Variants in PPP1R15B observed in about 807,000 individuals in gnomAD.
PPP1R15B encodes protein phosphatase 1, regulatory (inhibitor) subunit 15B.
In PPP1R15B, 31 loss-of-function variants were observed where a neutral mutation model predicts 53.9. That is an observed-to-expected ratio of 0.58 (90% CI 0.43 to 0.78). PPP1R15B has a LOEUF of 0.78. Among genes scored for constraint, PPP1R15B ranks in the 30% least tolerant of loss-of-function variants. PPP1R15B has a pLI of 0.00. For synonymous variants in PPP1R15B, 345 were observed against 329.1 expected, an observed-to-expected ratio of 1.05 and a Z score of -0.52; for missense variants, 928 against 849.6, an observed-to-expected ratio of 1.09 and a Z score of -1.15.
chr1:204,404,075 G>A lies in PPP1R15B; in HGVS notation c.*2017C>T, dbSNP rs920535924. ...TCAGCCTGGTTTTAAAAGAATGCCT[G>A]TATGTTGTCAAAAGGCTTTTTTCAA... is the stretch of plus-strand genomic sequence containing the variant. On this transcript the variant is annotated 3_prime_UTR_variant, in exon 2 of 2. Transcript: ENST00000367188. The A allele has an allele frequency of 6.1e-6, 6 of 985,294 alleles. No individual in the cohort carries two copies. Among genetic ancestry groups the A allele is most frequent in the African/African-American group, 5.2e-5 (3 of 57,236 alleles). 61.0% of individuals were successfully genotyped at this position (985,294 alleles called of 1,614,324 possible).
downstream of PPP1R15B, among the ~76,000 whole-genome samples, chr1:204,400,248 AAAAAG>A (rs1286448009): frequency 2.0e-5 from 3 of 151,646 alleles, no homozygotes; most frequent in East Asian, 5.8e-4. Flanking sequence ...AAAAAAAAAA[AAAAAG>A]AAAAGAAGGC....
rs931900279 is a variant in PPP1R15B at position 204,404,110 on chromosome 1, C to T, written c.*1982G>A. 7 of 985,200 alleles carry T rather than the reference C, an allele frequency of 7.1e-6. No homozygotes were observed. The highest frequency in any genetic ancestry group is 1.7e-5 in the African/African-American group (1 of 57,198). 61.0% of individuals were successfully genotyped at this position (985,200 alleles called of 1,614,324 possible). ...AAAAGGCTTTTTTCAAGGCAAATGACGCCTGCTTTCCAACCGACATTGCTG... is the reference window on the plus strand; with the variant it reads ...AAAAGGCTTTTTTCAAGGCAAATGATGCCTGCTTTCCAACCGACATTGCTG... On this transcript the variant is annotated 3_prime_UTR_variant, in exon 2 of 2. Coordinates refer to ENST00000367188, the MANE Select transcript of PPP1R15B (RefSeq NM_032833.5).
At chr1:204,409,377 T>C (rs1249786632) in intron 1 of PPP1R15B, 115 bp downstream of exon 1, 7 of 1,164,276 alleles carry the variant, frequency 6.0e-6, no homozygotes, top group Admixed American at 4.8e-5. Context: ...TATATGAATT[T>C]AGAGGCCTTC....
Position 204,411,508 on chromosome 1 carries a change from C to G in PPP1R15B, c.-97G>C. On this transcript the variant is annotated 5_prime_UTR_variant, in exon 1 of 2. Transcript: ENST00000367188. ...AAGCCTACAGAGTCTCGGCCTTGCC[C>G]AGCGGTGGCGTCGCTGCTCCAGGCC... 1.4e-6 allele frequency: 2 copies of G among 1,478,238 alleles called. No homozygotes were observed. Among genetic ancestry groups the G allele is most frequent in the Non-Finnish European group, 1.8e-6 (2 of 1,109,402 alleles). The allele number at this position is 1,478,238 out of a possible 1,614,324, so 91.6% of individuals were successfully genotyped here.
chr1:204,405,381 A>T lies in PPP1R15B; in HGVS notation c.*711T>A. 1 of 985,198 alleles carries T rather than the reference A, an allele frequency of 1.0e-6. No homozygotes were observed. Among genetic ancestry groups the T allele is most frequent in the Non-Finnish European group, 1.2e-6 (1 of 829,712 alleles). 61.0% of individuals were successfully genotyped at this position (985,198 alleles called of 1,614,324 possible). On this transcript the variant is annotated 3_prime_UTR_variant, in exon 2 of 2. Coordinates refer to ENST00000367188, the MANE Select transcript of PPP1R15B (RefSeq NM_032833.5). ...AGAAATTAAATATATTAGATGTTAA[A>T]ATGTGGTAGAAAGATGCAGCTTTCC...
downstream of PPP1R15B, among the ~76,000 whole-genome samples, chr1:204,400,476 ATTTC>A (rs1159832061): frequency 2.4e-5 from 3 of 125,738 alleles, no homozygotes; most frequent in South Asian, 2.6e-4. Context: ...TGCCCAGCTA[ATTTC>A]TTTTTCTTTT....
rs1674226060 is a variant in PPP1R15B, at chr1:204,404,265, C to T, written c.*1827G>A. On this transcript the variant is annotated 3_prime_UTR_variant, in exon 2 of 2. Coordinates refer to ENST00000367188, the MANE Select transcript of PPP1R15B (RefSeq NM_032833.5). ...TTGAGAGGCCGAGGCGGGCGGATCA[C>T]GAGGTCAGCAGTTCAAGACCAGTCT... 4.2e-6 allele frequency: 4 copies of T among 959,998 alleles called. No homozygotes were observed. Among genetic ancestry groups the T allele is most frequent in the African/African-American group, 1.8e-5 (1 of 56,730 alleles). The allele number at this position is 959,998 out of a possible 1,614,324, so 59.5% of individuals were successfully genotyped here.
intron 1 of PPP1R15B, among the ~76,000 whole-genome samples, chr1:204,407,424 CTACT>C (rs959797226): frequency 2.0e-5 from 3 of 152,140 alleles, no homozygotes; most frequent in Middle Eastern, 3.2e-3. Context: ...TTACTAATCA[CTACT>C]TAATTTCTAA....
chr1:204,402,242 ATCCTT>A (rs576131743), downstream of PPP1R15B, among the ~76,000 whole-genome samples: 2 of 152,298 alleles, frequency 1.3e-5, no homozygotes, highest in East Asian at 3.9e-4. Flanking sequence ...TTTCTTCATT[ATCCTT>A]TCATCTTGAA....
At position 204,405,718 on chromosome 1, in the gene PPP1R15B, A is replaced by G; in HGVS notation, c.*374T>C. On this transcript the variant is annotated 3_prime_UTR_variant, in exon 2 of 2. Transcript: ENST00000367188. ...GTTTTCAGATAGGCACACATAATTT[A>G]GATTAGAAATGAAAATGGGCTTTAA... The G allele has an allele frequency of 1.0e-6, 1 of 994,654 alleles. No individual in the cohort carries two copies. The highest frequency in any genetic ancestry group is 1.2e-6 in the Non-Finnish European group (1 of 834,912). 61.6% of individuals were successfully genotyped at this position (994,654 alleles called of 1,614,324 possible). A position where few individuals can be genotyped will look rare whatever the true frequency, so the allele number is the denominator to read the frequency against.
At chr1:204,408,223 G>A (rs572841978) in intron 1 of PPP1R15B, among the ~76,000 whole-genome samples, 49 of 152,350 alleles carry the variant, frequency 3.2e-4, no homozygotes, top group Admixed American at 2.6e-3. Flanking sequence ...CTTAACCACT[G>A]AGGAGTAGAG....
At chr1:204,397,851 T>A (rs74138396), downstream of PPP1R15B, among the ~76,000 whole-genome samples, 2,636 of 152,104 alleles carry the variant, frequency 0.017, 56 homozygotes, top group African/African-American at 0.055. Context: ...CATCAACTGA[T>A]TTAAAACTTT....
Position 204,409,536 on chromosome 1 carries a change from C to T in PPP1R15B, c.1876G>A (p.Asp626Asn). Residue 626 changes from aspartate to asparagine, a missense_variant, in exon 1 of 2, where the codon GAC becomes AAC. Physicochemically the swap from Asp to Asn is conservative, Grantham distance 23. Coordinates refer to ENST00000367188, the MANE Select transcript of PPP1R15B (RefSeq NM_032833.5). Reference protein sequence around the residue: ...ESECPDSVQRDVLSGGRHTHV... With the variant: ...ESECPDSVQRNVLSGGRHTHV... ...GTGTGTCTTCCTCCAGAAAGAACGT[C>T]ACGCTGTACCGAGTCTGGACATTCA... 1.2e-6 allele frequency: 2 copies of T among 1,613,440 alleles called. No homozygotes were observed. The highest frequency in any genetic ancestry group is 1.7e-6 in the Non-Finnish European group (2 of 1,179,806).
At chr1:204,398,318 C>T (rs1157828530), downstream of PPP1R15B, among the ~76,000 whole-genome samples, 1 of 151,956 alleles carries the variant, frequency 6.6e-6, no homozygotes, top group Non-Finnish European at 1.5e-5. Flanking sequence ...TCTCTACACA[C>T]AAAAATAATA....
Position 204,405,687 on chromosome 1 carries a change from C to T in PPP1R15B, c.*405G>A, listed in dbSNP as rs1309350400. ...ATTTTGGGAAAGAAACAAGAAAGAG[C>T]CCAAAGTTTTCAGATAGGCACACAT... On this transcript the variant is annotated 3_prime_UTR_variant, in exon 2 of 2. Transcript: ENST00000367188. 3 of 984,956 alleles carry T rather than the reference C, an allele frequency of 3.0e-6. No homozygotes were observed. The highest frequency in any genetic ancestry group is 1.2e-6 in the Non-Finnish European group (1 of 828,842). The allele number at this position is 984,956 out of a possible 1,614,324, so 61.0% of individuals were successfully genotyped here. A position where few individuals can be genotyped will look rare whatever the true frequency, so the allele number is the denominator to read the frequency against.
chr1:204,408,005 C>T (rs1307971224), intron 1 of PPP1R15B, among the ~76,000 whole-genome samples: 1 of 152,204 alleles, frequency 6.6e-6, no homozygotes, highest in African/African-American at 2.4e-5. Context: ...CAAGCTAAAA[C>T]AAGACATGAG....
downstream of PPP1R15B, among the ~76,000 whole-genome samples, chr1:204,399,631 G>A (rs1425126395): frequency 6.6e-6 from 1 of 152,026 alleles, no homozygotes; most frequent in African/African-American, 2.4e-5. Flanking sequence ...TCTAGGCTCT[G>A]GACTCATAAA....
At position 204,409,511 on chromosome 1, in the gene PPP1R15B, G is replaced by T. The variant is rs1463236129; in HGVS notation, c.1901C>A (p.Thr634Lys). The T allele has an allele frequency of 1.2e-6, 2 of 1,611,446 alleles. No individual in the cohort carries two copies. The highest frequency in any genetic ancestry group is 1.7e-5 in the Admixed American group (1 of 59,494). Residue 634 changes from threonine (T) to lysine (K), a missense_variant, in exon 1 of 2, where the codon ACA becomes AAA. Coordinates refer to ENST00000367188, the MANE Select transcript of PPP1R15B (RefSeq NM_032833.5). ...QRDVLSGGRHTHVKRKKVTFL... is the reference protein window; with the variant it reads ...QRDVLSGGRHKHVKRKKVTFL... Reference sequence around the variant, plus strand: ...ACAAACCTTTTTTCTTTTGACATGTGTGTGTCTTCCTCCAGAAAGAACGTC... The same window carrying T: ...ACAAACCTTTTTTCTTTTGACATGTTTGTGTCTTCCTCCAGAAAGAACGTC...
Position 204,404,656 on chromosome 1 carries a change from G to A in PPP1R15B, c.*1436C>T. The A allele has an allele frequency of 1.0e-6, 1 of 985,732 alleles. No homozygotes were observed. Among genetic ancestry groups the A allele is most frequent in the Non-Finnish European group, 1.2e-6 (1 of 829,868 alleles). 61.1% of individuals were successfully genotyped at this position (985,732 alleles called of 1,614,324 possible). A position where few individuals can be genotyped will look rare whatever the true frequency, so the allele number is the denominator to read the frequency against. ...ATGACCAGGTAGATTGTAAACTGAGGTAGTAACCCTGTAAGCACTTCTGAT... is the reference window on the plus strand; with the variant it reads ...ATGACCAGGTAGATTGTAAACTGAGATAGTAACCCTGTAAGCACTTCTGAT... On this transcript the variant is annotated 3_prime_UTR_variant, in exon 2 of 2. Coordinates refer to ENST00000367188, the MANE Select transcript of PPP1R15B (RefSeq NM_032833.5).
Sources: gnomAD v4.1 joint callset for allele counts (sites outside exome capture counted in the v4.1 genomes callset) on GRCh38, gnomAD v4.1.1 for gene constraint, MANE v1.5 for transcripts, NCBI Gene and HGNC (gene_info 2026-07-23, HGNC 2026-07-21) for gene names.